The following PCSK2 variants were observed in gnomAD, a reference collection of about 807,000 sequenced individuals.
PCSK2 encodes the protein proprotein convertase subtilisin/kexin type 2, also known as neuroendocrine convertase 2.
Under a neutral mutation model 69.7 loss-of-function variants are expected in PCSK2, and 14 were observed. The ratio of observed to expected loss-of-function variants is 0.20; its 90% CI spans 0.13 to 0.31. The LOEUF (loss-of-function observed/expected upper bound fraction) is 0.31, where lower values mean the gene tolerates loss of function less well. Ranked by LOEUF, PCSK2 falls within the 10% of genes least tolerant of loss-of-function variation. PCSK2 has a pLI of 1.00. For synonymous variants in PCSK2, 307 were observed against 320.7 expected (o/e 0.96, Z 0.46); for missense variants, 544 against 842.5 (o/e 0.65, Z 4.39).
intron 2 of PCSK2, among the ~76,000 whole-genome samples, chr20:17,327,299 A>G (rs1439132306): frequency 1.3e-5 from 2 of 152,170 alleles, no homozygotes; most frequent in Non-Finnish European, 2.9e-5. Context: ...TGCTGTGTCA[A>G]TCACATTCCT....
chr20:17,303,493 T>TA (rs1568593625), intron 2 of PCSK2, among the ~76,000 whole-genome samples: 5 of 47,576 alleles, frequency 1.1e-4, no homozygotes, highest in African/African-American at 2.5e-4. Context: ...TATATTATAT[T>TA]TAATATAATA....
intron 6 of PCSK2, among the ~76,000 whole-genome samples, chr20:17,416,624 A>T (rs868760011): frequency 4.6e-5 from 7 of 152,348 alleles, no homozygotes; most frequent in Non-Finnish European, 5.9e-5. Context: ...TGATTCCTCA[A>T]GGATCTAGAA....
At chr20:17,355,720 G>T (rs1333131413) in intron 2 of PCSK2, among the ~76,000 whole-genome samples, 1 of 151,340 alleles carries the variant, frequency 6.6e-6, no homozygotes, top group Non-Finnish European at 1.5e-5. Context: ...CTGACTTCAG[G>T]GAAAATAATT....
At chr20:17,351,328 A>G (rs150003809) in intron 2 of PCSK2, among the ~76,000 whole-genome samples, 3 of 152,018 alleles carry the variant, frequency 2.0e-5, no homozygotes, top group Non-Finnish European at 4.4e-5. Context: ...AATCAAGGAG[A>G]CTCCTCTCTA....
chr20:17,323,562 G>T (rs1179965823), intron 2 of PCSK2, among the ~76,000 whole-genome samples: 1 of 152,196 alleles, frequency 6.6e-6, no homozygotes, highest in Non-Finnish European at 1.5e-5. Flanking sequence ...TGGAGCCAGG[G>T]TTCTAACTTC....
intron 2 of PCSK2, among the ~76,000 whole-genome samples, chr20:17,264,665 T>G (rs989751042): frequency 1.4e-4 from 21 of 152,330 alleles, no homozygotes; most frequent in African/African-American, 4.8e-4. Flanking sequence ...AATCTCATAA[T>G]ACCACTGGAG....
chr20:17,479,432 G>A (rs1230898684), intron 11 of PCSK2: 3 of 590,694 alleles, frequency 5.1e-6, no homozygotes, highest in Non-Finnish European at 9.5e-6. Flanking sequence ...ACTCCTCCAT[G>A]GTAGCGCCTG....
At chr20:17,369,174 G>C in intron 4 of PCSK2, 66 bp from the exon 5 acceptor site, 1 of 1,462,870 alleles carries the variant, frequency 6.8e-7, no homozygotes, top group South Asian at 1.2e-5. Context: ...TTCTTGGGCA[G>C]CTTTCCTGAG....
At chr20:17,364,256 A>T (rs1427359130) in intron 4 of PCSK2, among the ~76,000 whole-genome samples, 1 of 152,208 alleles carries the variant, frequency 6.6e-6, no homozygotes, top group Admixed American at 6.5e-5. Flanking sequence ...ATAGTCACCC[A>T]CACCCTTCTG....
chr20:17,331,032 C>T (rs1032956274), intron 2 of PCSK2, among the ~76,000 whole-genome samples: 3 of 152,158 alleles, frequency 2.0e-5, no homozygotes, highest in Admixed American at 1.3e-4. Context: ...GCTGGGTAAG[C>T]AGCTGTCTGG....
intron 7 of PCSK2, among the ~76,000 whole-genome samples, chr20:17,432,461 T>G (rs2032387306): frequency 6.6e-6 from 1 of 152,246 alleles, no homozygotes; most frequent in African/African-American, 2.4e-5. Context: ...CCATTTTCAC[T>G]GATTTAATTG....
At chr20:17,354,548 T>A (rs2030130310) in intron 2 of PCSK2, among the ~76,000 whole-genome samples, 1 of 152,144 alleles carries the variant, frequency 6.6e-6, no homozygotes, top group Admixed American at 6.5e-5. Context: ...TTCCCAGAGG[T>A]CTTCTAAAAT....
At chr20:17,250,993 G>A (rs6034780) in intron 1 of PCSK2, among the ~76,000 whole-genome samples, 50,672 of 151,882 alleles carry the variant, frequency 0.33, 9,098 homozygotes, top group Middle Eastern at 0.46. Flanking sequence ...CCAGCTACTC[G>A]GGCGGCTGAG....
intron 8 of PCSK2, among the ~76,000 whole-genome samples, chr20:17,449,172 C>G (rs1323290717): frequency 6.6e-6 from 1 of 152,148 alleles, no homozygotes; most frequent in Non-Finnish European, 1.5e-5. Context: ...CATGAGCCAT[C>G]AGGCTGGCCT....
intron 1 of PCSK2, among the ~76,000 whole-genome samples, chr20:17,259,522 C>T (rs887378878): frequency 2.6e-5 from 4 of 152,176 alleles, no homozygotes; most frequent in African/African-American, 9.7e-5. Flanking sequence ...GGTCAAGGCT[C>T]TTCCCACCAA....
intron 5 of PCSK2, among the ~76,000 whole-genome samples, chr20:17,387,132 A>G (rs1172822422): frequency 6.6e-6 from 1 of 152,220 alleles, no homozygotes; most frequent in Non-Finnish European, 1.5e-5. Context: ...ATTTGAAACA[A>G]GTTAATTAAC....
chr20:17,268,283 T>A (rs956457068), intron 2 of PCSK2, among the ~76,000 whole-genome samples: 1 of 151,906 alleles, frequency 6.6e-6, no homozygotes, highest in African/African-American at 2.4e-5. Context: ...TGTATACTAG[T>A]GGCAATGAAG....
chr20:17,430,747 T>C (rs2032346945), intron 7 of PCSK2, among the ~76,000 whole-genome samples: 1 of 152,184 alleles, frequency 6.6e-6, no homozygotes, highest in Admixed American at 6.5e-5. Flanking sequence ...GGCTCAGACC[T>C]GGGATGGAAT....
intron 2 of PCSK2, among the ~76,000 whole-genome samples, chr20:17,303,408 ATATGTATGGTT>A (rs1989161893): frequency 1.7e-5 from 2 of 114,650 alleles, no homozygotes; most frequent in African/African-American, 6.7e-5. Context: ...TATGTAATAT[ATATGTATGGTT>A]ATATATTTTT....
Sources: allele counts gnomAD v4.1 joint callset (sites outside exome capture counted in the v4.1 genomes callset), GRCh38; gene constraint gnomAD v4.1.1; transcripts MANE v1.5; gene names NCBI Gene and HGNC (gene_info 2026-07-23, HGNC 2026-07-21).